CNTRL: variants seen among roughly 807,000 people sequenced by gnomAD.
The protein encoded by CNTRL is 110 kDa centrosomal protein.
In CNTRL, 233 loss-of-function variants were observed where a neutral mutation model predicts 303.7. The ratio of observed to expected loss-of-function variants is 0.77; its 90% confidence interval spans 0.69 to 0.86. The LOEUF is 0.86. CNTRL is among the 40% of genes least tolerant of loss of function. The probability of loss-of-function intolerance (pLI) is 0.00; values close to 1 mark genes in which losing one functional copy is unlikely to be tolerated. For missense variants in CNTRL, 2,524 were observed against 2,650.6 expected (o/e 0.95, Z 1.05); for synonymous variants, 900 against 922.2 (o/e 0.98, Z 0.44).
intron 18 of CNTRL, among the ~76,000 whole-genome samples, chr9:121,141,861 A>G (rs1023972858): frequency 6.6e-5 from 10 of 152,170 alleles, no homozygotes; most frequent in African/African-American, 1.9e-4. Flanking sequence ...TTCCTAGAGT[A>G]TGGTGTGTTG....
chr9:121,125,905 T>C lies in CNTRL; in HGVS notation c.1994T>C (p.Ile665Thr). 1 of 1,614,162 alleles carries C rather than the reference T, an allele frequency of 6.2e-7. No individual in the cohort carries two copies. Among genetic ancestry groups the C allele is most frequent in the Non-Finnish European group, 8.5e-7 (1 of 1,180,006 alleles). The change falls in exon 14 of 44, where the codon ATA becomes ACA. Residue 665 changes from isoleucine (I) to threonine (T), a missense_variant. By Grantham distance (89) the Ile-to-Thr change is moderately conservative (BLOSUM62 -1). Coordinates refer to ENST00000373855, the MANE Select transcript of CNTRL (RefSeq NM_007018.6). ...EVEQERDQLE[I>T]VAMDAENMRK... ...GAGCAGGAGAGAGACCAGCTGGAAA[T>C]AGTTGCCATGGATGCAGAAAATATG... is the stretch of plus-strand genomic sequence containing the variant.
chr9:121,139,620 G>A (rs190464964), intron 16 of CNTRL, among the ~76,000 whole-genome samples: 1 of 152,282 alleles, frequency 6.6e-6, no homozygotes, highest in East Asian at 1.9e-4. Flanking sequence ...TGTGAGGTGT[G>A]TGTGTATGTT....
chr9:121,086,668 TCTCG>T (rs2048356912), intron 2 of CNTRL, among the ~76,000 whole-genome samples: 1 of 141,516 alleles, frequency 7.1e-6, no homozygotes, highest in Non-Finnish European at 1.5e-5. Flanking sequence ...TGAGATGGAG[TCTCG>T]CTCTGTTTCC....
In CNTRL at chr9:121,146,079, C is replaced by T. The variant is rs748376635; in HGVS notation, c.3311-29C>T. ...AGAAAGGAAGTAAGTGATTTCATAT[C>T]AATTTCATAGAATGACTTTTCTTTA... On this transcript the variant is annotated intron_variant, in intron 22 of 43. Transcript: ENST00000373855. 2.6e-6 allele frequency: 4 copies of T among 1,556,672 alleles called. No individual in the cohort carries two copies. The Admixed American group carries it at 8.0e-5, about 31-fold the overall frequency.
chr9:121,176,977 A>G (rs1005920065), intron 43 of CNTRL, among the ~76,000 whole-genome samples, 186 bp from the exon 44 acceptor site: 6 of 152,172 alleles, frequency 3.9e-5, no homozygotes, highest in Non-Finnish European at 8.8e-5. Context: ...CTTGAATTTT[A>G]GCAGTTTTAA....
chr9:121,175,479 G>GGCT (rs1311404428), intron 43 of CNTRL, among the ~76,000 whole-genome samples: 1 of 152,096 alleles, frequency 6.6e-6, no homozygotes, highest in African/African-American at 2.4e-5. Flanking sequence ...GGGTTGCCAG[G>GGCT]GCTGGTCTCA....
intron 7 of CNTRL, among the ~76,000 whole-genome samples, chr9:121,099,785 G>A (rs898909027): frequency 2.0e-5 from 3 of 152,122 alleles, no homozygotes; most frequent in South Asian, 2.1e-4. Context: ...TAGCTGATTC[G>A]ATCAACTGGA....
chr9:121,099,700 A>G (rs947411064), intron 7 of CNTRL, among the ~76,000 whole-genome samples: 61 of 152,206 alleles, frequency 4.0e-4, no homozygotes, highest in African/African-American at 1.4e-3. Context: ...TAAACAGCAT[A>G]GAGAAGACCT....
At chr9:121,152,922 G>T (rs1588279848) in intron 26 of CNTRL, among the ~76,000 whole-genome samples, 1 of 152,258 alleles carries the variant, frequency 6.6e-6, no homozygotes, top group East Asian at 1.9e-4. Context: ...GAGCAATACA[G>T]GTCTGAGTTC....
chr9:121,141,392 C>T lies in CNTRL; in HGVS notation c.2495C>T (p.Pro832Leu), dbSNP rs747517919. The change falls in exon 18 of 44, where the codon CCT (proline) becomes CTT (leucine). Residue 832 changes from proline (P) to leucine (L), a missense_variant. Transcript: ENST00000373855. The part of the protein sequence containing the change: ...LGTGEMNIHS[P>L]SDVLGKSLAD... ...CCCCTCCTTACTAGCATCCATAGTCCTTCAGATGTCTTAGGGAAAAGTCTT... is the reference window on the plus strand; with the variant it reads ...CCCCTCCTTACTAGCATCCATAGTCTTTCAGATGTCTTAGGGAAAAGTCTT... 14 of 1,612,994 alleles carry T rather than the reference C, an allele frequency of 8.7e-6. 1 individual carries two copies. The East Asian group carries it at 3.1e-4, about 36-fold the overall frequency.
At chr9:121,120,349 G>A (rs1204244927) in intron 12 of CNTRL, among the ~76,000 whole-genome samples, 1 of 151,892 alleles carries the variant, frequency 6.6e-6, no homozygotes, top group Admixed American at 6.6e-5. Context: ...TTGAAACCAA[G>A]GTATTAATAT....
intron 31 of CNTRL, among the ~76,000 whole-genome samples, chr9:121,159,843 AG>A (rs1440158133): frequency 1.3e-5 from 2 of 152,162 alleles, no homozygotes; most frequent in African/African-American, 4.8e-5. Context: ...CCACTCAACA[AG>A]GTACTAAGCC....
intron 4 of CNTRL, among the ~76,000 whole-genome samples, chr9:121,091,819 G>A (rs2048583888): frequency 6.6e-6 from 1 of 151,562 alleles, no homozygotes; most frequent in Middle Eastern, 3.2e-3. Context: ...ACTCTAGCCT[G>A]GGCAACCTAG....
intron 3 of CNTRL, among the ~76,000 whole-genome samples, chr9:121,090,042 A>T (rs552934541): frequency 7.7e-5 from 10 of 130,026 alleles, no homozygotes; most frequent in African/African-American, 3.2e-4. Context: ...AATACATTAT[A>T]GTTATTACAT....
intron 31 of CNTRL, 80 bp downstream of exon 31, chr9:121,159,099 C>A: frequency 7.4e-7 from 1 of 1,345,958 alleles, no homozygotes; most frequent in Non-Finnish European, 1.0e-6. Flanking sequence ...ATTGCTTCTC[C>A]CCAAATGAAA....
At chr9:121,175,875 T>A (rs1048963934) in intron 43 of CNTRL, among the ~76,000 whole-genome samples, 1 of 152,144 alleles carries the variant, frequency 6.6e-6, no homozygotes, top group Non-Finnish European at 1.5e-5. Context: ...CCAATATGAG[T>A]CCTAGTTTAG....
At position 121,142,118 on chromosome 9, in the gene CNTRL, G is replaced by T; in HGVS notation, c.2719G>T (p.Ala907Ser). Residue 907 changes from alanine to serine, a missense_variant, in exon 19 of 44, where the codon GCA becomes TCA. Ala to Ser is a moderately conservative substitution (Grantham distance 99). Coordinates refer to ENST00000373855, the MANE Select transcript of CNTRL (RefSeq NM_007018.6). ...GAATTTTGATAAGAGGCAACATGAA[G>T]CAAGAATCCAGCAAATGGAGAATGA... ...RMNFDKRQHE[A>S]RIQQMENEIH... 6.2e-7 allele frequency: 1 copy of T among 1,601,434 alleles called. No individual in the cohort carries two copies. Among genetic ancestry groups the T allele is most frequent in the Non-Finnish European group, 8.5e-7 (1 of 1,175,450 alleles).
At position 121,161,924 on chromosome 9, in the gene CNTRL, G is replaced by T; in HGVS notation, c.5158G>T (p.Asp1720Tyr). ...HELQGLKLQH[D>Y]QRVSELEKTQ... ...GCTACAAGGTTTGAAGCTACAACAT[G>T]ACCAAAGGGTATCTGAATTAGAGAA... The change falls in exon 33 of 44, where the codon GAC becomes TAC. Residue 1720 changes from aspartate to tyrosine, a missense_variant. Transcript: ENST00000373855. 6.2e-7 allele frequency: 1 copy of T among 1,614,116 alleles called. No individual in the cohort carries two copies. Among genetic ancestry groups the T allele is most frequent in the South Asian group, 1.1e-5 (1 of 91,044 alleles).
chr9:121,107,952 G>A lies in CNTRL; in HGVS notation c.959G>A (p.Ser320Asn), dbSNP rs144350374. ...LKEEAMLQKQ[S>N]CEELKSDLNT... ...GAGGAGGCCATGTTACAGAAACAGA[G>A]CTGTGAGGAACTCAAGAGTGACTTA... is the stretch of plus-strand genomic sequence containing the variant. The change falls in exon 8 of 44, where the codon AGC becomes AAC. Residue 320 changes from serine (S) to asparagine (N), a missense_variant. Transcript: ENST00000373855. 9.2e-5 allele frequency: 147 copies of A among 1,598,420 alleles called. 2 individuals are homozygous for A. In the African/African-American group the frequency reaches 1.7e-3, roughly 19 times the overall value.
Sources: allele counts gnomAD v4.1 joint callset (sites outside exome capture counted in the v4.1 genomes callset), GRCh38; gene constraint gnomAD v4.1.1; transcripts MANE v1.5; gene names NCBI Gene and HGNC (gene_info 2026-07-23, HGNC 2026-07-21).